Variants in GOT1 observed in about 807,000 individuals in gnomAD.
The protein encoded by GOT1 is glutamic-oxaloacetic transaminase 1.
A neutral mutation model predicts 48.2 loss-of-function variants in GOT1; 25 were observed. The ratio of observed to expected loss-of-function variants is 0.52; its 90% CI spans 0.38 to 0.72. GOT1 has a LOEUF of 0.72. Among genes scored for constraint, GOT1 ranks in the 30% least tolerant of loss-of-function variants. The pLI is 0.00. For missense variants in GOT1, 380 were observed against 520.1 expected (o/e 0.73, Z 2.62); for synonymous variants, 188 against 193.8 (o/e 0.97, Z 0.25).
intron 5 of GOT1, 115 bp downstream of exon 5, chr10:99,405,638 CTTT>C: frequency 1.6e-6 from 1 of 621,768 alleles, no homozygotes. Flanking sequence ...TTATTTTCTT[CTTT>C]GGACTTTTCT....
rs562699068 is a variant in GOT1, at chr10:99,411,330, T to C, written c.301-4481A>G. Among the ~76,000 whole-genome samples, 37 of 152,228 alleles carry C rather than the reference T, an allele frequency of 2.4e-4. No individual in the cohort carries two copies. In the South Asian group the frequency reaches 7.0e-3, roughly 29 times the overall value. Reference sequence around the variant, plus strand: ...CGACATTTCTGTCTGGATCCTAAGATCTGAAAGTGGAAAAGTAATACAAGG... The same window carrying C: ...CGACATTTCTGTCTGGATCCTAAGACCTGAAAGTGGAAAAGTAATACAAGG... On this transcript the variant is annotated intron_variant, in intron 2 of 8. Coordinates refer to ENST00000370508, the MANE Select transcript of GOT1 (RefSeq NM_002079.3).
intron 8 of GOT1, among the ~76,000 whole-genome samples, chr10:99,398,670 C>CA (rs199689809): frequency 0.16 from 21,505 of 134,690 alleles, 1,688 homozygotes; most frequent in Admixed American, 0.25. Context: ...GACTCTGTCT[C>CA]AAAAAAAAAA....
At chr10:99,422,923 G>C (rs1265482510) in intron 1 of GOT1, among the ~76,000 whole-genome samples, 1 of 152,126 alleles carries the variant, frequency 6.6e-6, no homozygotes, top group African/African-American at 2.4e-5. Flanking sequence ...TACAATCTTT[G>C]GCTATTAAAA....
At chr10:99,430,194 G>A (rs2033098062) in intron 1 of GOT1, 2 of 982,978 alleles carry the variant, frequency 2.0e-6, no homozygotes, top group Middle Eastern at 2.1e-4. Context: ...GAATCGGAAA[G>A]ACTGAGTTTG....
Position 99,406,247 on chromosome 10 carries a change from T to C in GOT1, c.427A>G (p.Asn143Asp). 6.2e-7 allele frequency: 1 copy of C among 1,606,640 alleles called. No homozygotes were observed. Among genetic ancestry groups the C allele is most frequent in the Non-Finnish European group, 8.5e-7 (1 of 1,173,142 alleles). Residue 143 changes from asparagine to aspartate, a missense_variant and splice_region_variant, in exon 4 of 9, where the codon AAT (asparagine) becomes GAT (aspartate). Asn to Asp is a conservative substitution (Grantham distance 23, BLOSUM62 1). Transcript: ENST00000370508. ...GCAGCGGAAAACACAGCATTGTGAT[T>C]CTCTGCATGCAAAGAAGTAAAAAGT... ...PVYVSSPTWENHNAVFSAAGF... is the reference protein window; with the variant it reads ...PVYVSSPTWEDHNAVFSAAGF...
intron 1 of GOT1, among the ~76,000 whole-genome samples, chr10:99,427,473 G>T (rs1285723623): frequency 1.3e-5 from 2 of 152,140 alleles, no homozygotes; most frequent in Non-Finnish European, 2.9e-5. Flanking sequence ...GTTTCACCGT[G>T]TTAGCCAGGA....
chr10:99,402,544 T>C (rs766800302), intron 8 of GOT1, 36 bp downstream of exon 8: 15 of 1,611,338 alleles, frequency 9.3e-6, no homozygotes, highest in Middle Eastern at 1.7e-4. Flanking sequence ...TGTGTCTACA[T>C]GCACGCATGG....
At chr10:99,427,143 A>G (rs2033049336) in intron 1 of GOT1, among the ~76,000 whole-genome samples, 1 of 152,266 alleles carries the variant, frequency 6.6e-6, no homozygotes, top group Middle Eastern at 3.4e-3. Context: ...TTCACATATA[A>G]TTATTCATTT....
intron 2 of GOT1, among the ~76,000 whole-genome samples, chr10:99,419,454 A>G (rs2032939487): frequency 6.6e-6 from 1 of 152,172 alleles, no homozygotes; most frequent in Non-Finnish European, 1.5e-5. Flanking sequence ...CCCAGCTCTC[A>G]TCAGGTAGGT....
intron 1 of GOT1, among the ~76,000 whole-genome samples, chr10:99,429,142 C>T (rs1464405632): frequency 6.6e-6 from 1 of 151,916 alleles, no homozygotes; most frequent in Non-Finnish European, 1.5e-5. Context: ...CTCCGTCTCC[C>T]GGGTTTAAGC....
At chr10:99,402,432 T>C in intron 8 of GOT1, 148 bp downstream of exon 8, 1 of 786,376 alleles carries the variant, frequency 1.3e-6, no homozygotes, top group South Asian at 1.7e-5. Context: ...TGGGACACCC[T>C]AAGAAAACCT....
intron 1 of GOT1, among the ~76,000 whole-genome samples, chr10:99,424,499 T>C (rs1272015523): frequency 6.6e-6 from 1 of 152,220 alleles, no homozygotes; most frequent in African/African-American, 2.4e-5. Flanking sequence ...TTCTGTTATG[T>C]TTCAGTTCTG....
intron 2 of GOT1, among the ~76,000 whole-genome samples, chr10:99,415,637 C>T (rs192509533): frequency 0.056 from 8,514 of 152,012 alleles, 357 homozygotes; most frequent in Middle Eastern, 0.1. Flanking sequence ...GAGACACAAC[C>T]AAAAAAGAGA....
intron 5 of GOT1, 129 bp from the exon 6 acceptor site, chr10:99,404,003 T>C: frequency 1.3e-6 from 1 of 781,894 alleles, no homozygotes; most frequent in Non-Finnish European, 2.1e-6. Flanking sequence ...TTCTTGACTA[T>C]ATGCACCCAA....
chr10:99,403,336 G>C, intron 7 of GOT1, 133 bp downstream of exon 7: 1 of 733,578 alleles, frequency 1.4e-6, no homozygotes, highest in Non-Finnish European at 2.3e-6. Flanking sequence ...ACAAATATCT[G>C]AGAGTCAAAG....
intron 4 of GOT1, 41 bp from the exon 5 acceptor site, chr10:99,405,901 A>G (rs1249004792): frequency 9.0e-7 from 1 of 1,116,362 alleles, no homozygotes; most frequent in Admixed American, 1.7e-5. Context: ...CACTGATGGG[A>G]ATATTGGGAG....
At chr10:99,428,722 G>A (rs1023273136) in intron 1 of GOT1, among the ~76,000 whole-genome samples, 1 of 152,168 alleles carries the variant, frequency 6.6e-6, no homozygotes, top group Non-Finnish European at 1.5e-5. Flanking sequence ...TATACATCCC[G>A]CTGCAAAGAA....
At chr10:99,418,900 C>G (rs1385044140) in intron 2 of GOT1, among the ~76,000 whole-genome samples, 2 of 152,206 alleles carry the variant, frequency 1.3e-5, no homozygotes, top group Non-Finnish European at 2.9e-5. Context: ...AATCTCTATA[C>G]TCTTAACTAT....
intron 1 of GOT1, among the ~76,000 whole-genome samples, chr10:99,421,735 C>G (rs919813196): frequency 6.6e-6 from 1 of 152,118 alleles, no homozygotes; most frequent in Non-Finnish European, 1.5e-5. Context: ...TGGCAGGGGT[C>G]ATTTGCCTCT....
Sources: allele counts gnomAD v4.1 joint callset (sites outside exome capture counted in the v4.1 genomes callset), GRCh38; gene constraint gnomAD v4.1.1; transcripts MANE v1.5; gene names NCBI Gene and HGNC (gene_info 2026-07-23, HGNC 2026-07-21).